The following AP4E1 variants were observed in gnomAD, a reference collection of about 807,000 sequenced individuals.
The protein encoded by AP4E1 is adaptor related protein complex 4 subunit epsilon 1, also known as AP-4 complex subunit epsilon-1.
A neutral mutation model predicts 128.2 loss-of-function variants in AP4E1; 56 were observed. That is an observed-to-expected ratio of 0.44 (90% CI 0.35 to 0.55). The LOEUF is 0.55. Ranked by LOEUF, AP4E1 falls within the 20% of genes least tolerant of loss-of-function variation. The probability of loss-of-function intolerance (pLI) is 0.00; values close to 1 mark genes in which losing one functional copy is unlikely to be tolerated. For missense variants in AP4E1, 1,324 were observed against 1,307.7 expected (o/e 1.01, Z -0.19); for synonymous variants, 484 against 473.1 (o/e 1.02, Z -0.30).
At chr15:50,933,570 A>G (rs981138840) in intron 7 of AP4E1, among the ~76,000 whole-genome samples, 23 of 152,010 alleles carry the variant, frequency 1.5e-4, no homozygotes, top group Non-Finnish European at 2.8e-4. Context: ...AATATTACCA[A>G]TTTTTTTTGG....
rs28529803 is a variant in AP4E1, at chr15:50,921,791, G to A, written c.347-2140G>A. Among the ~76,000 whole-genome samples the A allele has an allele frequency of 5.0e-3, 760 of 152,232 alleles. 11 individuals are homozygous for A. Among genetic ancestry groups the A allele is most frequent in the African/African-American group, 0.018 (737 of 41,518 alleles). ...GTTATACCAAATATATTTTGTAATCGTAGTTATTATTCTTTGTTTCTCTGA... is the reference window on the plus strand; with the variant it reads ...GTTATACCAAATATATTTTGTAATCATAGTTATTATTCTTTGTTTCTCTGA... On this transcript the variant is annotated intron_variant, in intron 3 of 20. Transcript: ENST00000261842.
chr15:50,915,319 A>G, intron 2 of AP4E1, 129 bp from the exon 3 acceptor site: 1 of 953,180 alleles, frequency 1.0e-6, no homozygotes, highest in Non-Finnish European at 1.6e-6. Context: ...TGGGTGATTA[A>G]TTTGTAATAT....
chr15:51,001,929 A>T lies in AP4E1; in HGVS notation c.3254-573A>T, dbSNP rs2064968725. Among the ~76,000 whole-genome samples the T allele has an allele frequency of 3.3e-5, 5 of 151,942 alleles. No homozygotes were observed. In the South Asian group the frequency reaches 1.0e-3, roughly 32 times the overall value. ...AGGCTCACTTTGTTACCCATGCTGG[A>T]GTACAGTGGTGCGATCTGAGCTCAC... is the stretch of plus-strand genomic sequence containing the variant. On this transcript the variant is annotated intron_variant, in intron 20 of 20. Transcript: ENST00000261842.
chr15:50,957,257 CA>C (rs2064236926), intron 13 of AP4E1, among the ~76,000 whole-genome samples: 2 of 152,232 alleles, frequency 1.3e-5, no homozygotes, highest in African/African-American at 4.8e-5. Context: ...GGGGAGCTGA[CA>C]GGGGGACTGG....
intron 10 of AP4E1, among the ~76,000 whole-genome samples, chr15:50,944,236 G>C (rs1006678869): frequency 2.0e-5 from 3 of 152,058 alleles, no homozygotes; most frequent in Middle Eastern, 3.2e-3. Context: ...TGAGAACTTT[G>C]GTCCTTGGAT....
chr15:50,993,640 C>T lies in AP4E1; in HGVS notation c.2346+15C>T. ...CAATCAACCTGGTAAGTAATCGGTTCTATTCCTGTAAGAATCTTTGTCATC... is the reference window on the plus strand; with the variant it reads ...CAATCAACCTGGTAAGTAATCGGTTTTATTCCTGTAAGAATCTTTGTCATC... On this transcript the variant is annotated intron_variant, in intron 17 of 20. Transcript: ENST00000261842. 1 of 1,613,662 alleles carries T rather than the reference C, an allele frequency of 6.2e-7. No individual in the cohort carries two copies. The highest frequency in any genetic ancestry group is 8.5e-7 in the Non-Finnish European group (1 of 1,179,802).
chr15:50,915,624 T>C, intron 3 of AP4E1, 53 bp downstream of exon 3: 1 of 1,575,354 alleles, frequency 6.3e-7, no homozygotes, highest in Non-Finnish European at 8.7e-7. Flanking sequence ...TGAAGTTGCA[T>C]CTATTATACA....
chr15:50,913,266 A>G (rs1432654551), intron 2 of AP4E1, among the ~76,000 whole-genome samples: 9 of 152,202 alleles, frequency 5.9e-5, no homozygotes, highest in Admixed American at 2.6e-4. Flanking sequence ...GTATACATGT[A>G]TGTGTGTCTG....
intron 15 of AP4E1, among the ~76,000 whole-genome samples, chr15:50,977,709 T>TTTTGTTTG (rs1555460364): frequency 1.1e-5 from 1 of 89,430 alleles, no homozygotes; most frequent in African/African-American, 3.6e-5. Context: ...TGTTATGGTT[T>TTTTGTTTG]TTTTTTTTTT....
rs545471970 is a variant in AP4E1 at position 50,985,064 on chromosome 15, A to G, written c.2090+919A>G. ...TGCATTCCTCTGATAGCCAGTGATG[A>G]CGAGCATTTTTTCATGTGTGTTTTG... On this transcript the variant is annotated intron_variant, in intron 16 of 20. Coordinates refer to ENST00000261842, the MANE Select transcript of AP4E1 (RefSeq NM_007347.5). Among the ~76,000 whole-genome samples, 1,450 of 152,312 alleles carry G rather than the reference A, an allele frequency of 9.5e-3. 19 individuals carry two copies. Among genetic ancestry groups the G allele is most frequent in the Non-Finnish European group, 8.8e-3 (601 of 68,038 alleles).
intron 10 of AP4E1, 32 bp downstream of exon 10, chr15:50,941,807 G>A (rs780168502): frequency 1.7e-5 from 26 of 1,559,720 alleles, no homozygotes; most frequent in Middle Eastern, 1.7e-4. Context: ...TATATGTGAA[G>A]TGTTAAAATT....
rs1203876918 is a variant in AP4E1 at position 50,993,528 on chromosome 15, A to C, written c.2249A>C (p.Gln750Pro). ...NVDQAITKKD[Q>P]SQVLTQSKEE... ...GATCAAGCTATAACTAAAAAGGATC[A>C]ATCTCAAGTTCTTACCCAATCTAAA... Residue 750 changes from glutamine to proline, a missense_variant, in exon 17 of 21, where the codon CAA becomes CCA. Gln to Pro is a moderately conservative substitution (Grantham distance 76). Coordinates refer to ENST00000261842, the MANE Select transcript of AP4E1 (RefSeq NM_007347.5). 1 of 1,614,028 alleles carries C rather than the reference A, an allele frequency of 6.2e-7. No individual in the cohort carries two copies. The highest frequency in any genetic ancestry group is 2.2e-5 in the East Asian group (1 of 44,848).
intron 13 of AP4E1, among the ~76,000 whole-genome samples, chr15:50,950,770 C>T (rs531211094): frequency 1.2e-3 from 176 of 152,192 alleles, no homozygotes; most frequent in Non-Finnish European, 1.6e-3. Context: ...AGCTCTCCAC[C>T]CCCACCACCC....
chr15:50,956,630 A>G (rs1463654079), intron 13 of AP4E1, among the ~76,000 whole-genome samples: 1 of 152,194 alleles, frequency 6.6e-6, no homozygotes, highest in Non-Finnish European at 1.5e-5. Flanking sequence ...GAAGCCCTTC[A>G]TAAAACCATC....
At chr15:50,948,310 G>T (rs2064091285) in intron 11 of AP4E1, 151 bp downstream of exon 11, 1 of 921,102 alleles carries the variant, frequency 1.1e-6, no homozygotes, top group African/African-American at 1.7e-5. Flanking sequence ...GTCAGAAAAA[G>T]GGATTTGTGT....
intron 11 of AP4E1, among the ~76,000 whole-genome samples, chr15:50,949,111 T>C (rs2064109302): frequency 6.6e-6 from 1 of 151,984 alleles, no homozygotes; most frequent in Non-Finnish European, 1.5e-5. Context: ...GATAGAACTT[T>C]AGAACTGATG....
intron 2 of AP4E1, among the ~76,000 whole-genome samples, chr15:50,912,480 A>G (rs1269603497): frequency 2.0e-5 from 3 of 152,230 alleles, no homozygotes; most frequent in Non-Finnish European, 2.9e-5. Flanking sequence ...TCAGACCTGA[A>G]TTAATATATT....
chr15:50,970,489 A>G (rs1173746310), intron 15 of AP4E1, among the ~76,000 whole-genome samples: 2 of 152,202 alleles, frequency 1.3e-5, no homozygotes, highest in African/African-American at 4.8e-5. Context: ...CTATTACTGA[A>G]TCAGGTTCTT....
intron 15 of AP4E1, among the ~76,000 whole-genome samples, chr15:50,978,600 A>G (rs1276386970): frequency 6.6e-6 from 1 of 152,178 alleles, no homozygotes; most frequent in African/African-American, 2.4e-5. Flanking sequence ...TTTATACTTT[A>G]TTATGTCTCA....
Sources: allele counts gnomAD v4.1 joint callset (sites outside exome capture counted in the v4.1 genomes callset), GRCh38; gene constraint gnomAD v4.1.1; transcripts MANE v1.5; gene names NCBI Gene and HGNC (gene_info 2026-07-23, HGNC 2026-07-21).